The following WDR20 variants were observed in gnomAD, a reference collection of about 807,000 sequenced individuals.
WDR20 encodes the protein WD repeat domain 20.
Under a neutral mutation model 38.7 loss-of-function variants are expected in WDR20, and 3 were observed. That is an observed-to-expected ratio of 0.08 (90% CI 0.04 to 0.20). WDR20 has a LOEUF of 0.20. WDR20 is among the 10% of genes least tolerant of loss of function. The pLI is 1.00. For synonymous variants in WDR20, 298 were observed against 285.6 expected, an observed-to-expected ratio of 1.04 and a Z score of -0.44; for missense variants, 559 against 727.7, an observed-to-expected ratio of 0.77 and a Z score of 2.67.
intron 2 of WDR20, among the ~76,000 whole-genome samples, chr14:102,205,578 C>G (rs1215623620): frequency 6.6e-6 from 1 of 152,098 alleles, no homozygotes; most frequent in Admixed American, 6.5e-5. Context: ...CTACCAGTGG[C>G]CAGCACCCAC....
chr14:102,213,373 A>G (rs2062798531), downstream of WDR20: 3 of 985,480 alleles, frequency 3.0e-6, no homozygotes, highest in Non-Finnish European at 1.2e-6. Flanking sequence ...TGCTTAAATC[A>G]TGGTAAAGGA....
rs2059676678 is a variant in WDR20, at chr14:102,197,928, A to G, written c.432+2808A>G. The G allele has an allele frequency of 9.2e-5, 59 of 644,184 alleles. No homozygotes were observed. In the South Asian group the frequency reaches 9.6e-4, roughly 11 times the overall value. 39.9% of individuals were successfully genotyped at this position (644,184 alleles called of 1,614,324 possible). A position where few individuals can be genotyped will look rare whatever the true frequency, so the allele number is the denominator to read the frequency against. ...CTTGACTACCTACCACATGCCCAGC[A>G]CTGGGTCTGCAGCAGTGGGCAAAAC... On this transcript the variant is annotated intron_variant, in intron 2 of 2. Transcript: ENST00000342702.
At chr14:102,147,049 C>T (rs1206262891) in intron 1 of WDR20, among the ~76,000 whole-genome samples, 2 of 152,114 alleles carry the variant, frequency 1.3e-5, no homozygotes, top group African/African-American at 4.8e-5. Context: ...TCATTTAAAG[C>T]AGGAGATACT....
chr14:102,215,907 G>A (rs1004489653), downstream of WDR20, among the ~76,000 whole-genome samples: 7 of 152,134 alleles, frequency 4.6e-5, no homozygotes, highest in African/African-American at 1.7e-4. Context: ...CCTGGCACCC[G>A]CAGGCCTACC....
At chr14:102,139,841 G>A, upstream of WDR20, 1 of 1,556,946 alleles carries the variant, frequency 6.4e-7, no homozygotes, top group East Asian at 2.3e-5. Flanking sequence ...GCAGGGGGTG[G>A]GGGAAGAGGG....
At position 102,220,267 on chromosome 14, in the gene WDR20, C is replaced by T. The variant is rs139334062; in HGVS notation, c.1693-2563C>T. Among the ~76,000 whole-genome samples, 869 of 152,230 alleles carry T rather than the reference C, an allele frequency of 5.7e-3. 36 individuals carry two copies. Among genetic ancestry groups the T allele is most frequent in the East Asian group, 2.7e-3 (14 of 5,184 alleles). ...AAGGAAGGGTGCTGTCCCTCATGGC[C>T]GTCAGAAGCCACCTGCAGCCACTAA... On this transcript the variant is annotated intron_variant, in intron 3 of 3. Coordinates refer to the WDR20 transcript ENST00000335263. The surrounding 1 kb of genome is among the most constrained non-coding windows in gnomAD (Gnocchi z 4.2).
chr14:102,205,407 A>AACTAGT (rs1204902297), intron 2 of WDR20, among the ~76,000 whole-genome samples: 1 of 152,198 alleles, frequency 6.6e-6, no homozygotes, highest in African/African-American at 2.4e-5. Flanking sequence ...AGAAATGAGA[A>AACTAGT]ACTAGTACAG....
chr14:102,205,622 C>T (rs1326074122), intron 2 of WDR20, among the ~76,000 whole-genome samples: 1 of 152,150 alleles, frequency 6.6e-6, no homozygotes, highest in South Asian at 2.1e-4. Context: ...AGGGCCAGCA[C>T]GCTGCTGTTG....
At chr14:102,196,728 C>T (rs1363318106) in intron 2 of WDR20, among the ~76,000 whole-genome samples, 2 of 152,154 alleles carry the variant, frequency 1.3e-5, no homozygotes, top group Non-Finnish European at 2.9e-5. Context: ...GCTGCATTGG[C>T]CAGAACTATC....
intron 1 of WDR20, among the ~76,000 whole-genome samples, chr14:102,144,021 T>TAAC (rs1179762287): frequency 2.0e-5 from 1 of 49,938 alleles, no homozygotes; most frequent in Non-Finnish European, 5.5e-5. Flanking sequence ...CACAAAAAAA[T>TAAC]AATAAAAAAA....
At position 102,149,906 on chromosome 14, in the gene WDR20, C is replaced by A. The variant is rs545247999; in HGVS notation, c.249+9734C>A. Among the ~76,000 whole-genome samples the A allele has an allele frequency of 1.4e-4, 22 of 152,200 alleles. No individual in the cohort carries two copies. In the East Asian group the frequency reaches 4.1e-3, roughly 28 times the overall value. On this transcript the variant is annotated intron_variant, in intron 1 of 2. Transcript: ENST00000342702. ...ATGGGGTTTCACTGTATTGGCCAGG[C>A]TGGTCTCTTAACTCCTCACCTCGTG...
chr14:102,217,847 G>A (rs1014476348), downstream of WDR20, among the ~76,000 whole-genome samples: 4 of 152,192 alleles, frequency 2.6e-5, no homozygotes, highest in Non-Finnish European at 5.9e-5. Flanking sequence ...CATCGTTTCC[G>A]CACCGTCTCT....
intron 1 of WDR20, among the ~76,000 whole-genome samples, chr14:102,170,885 T>C (rs1428366327): frequency 3.3e-5 from 5 of 152,114 alleles, no homozygotes; most frequent in Non-Finnish European, 7.4e-5. Context: ...TGGTAGTTTT[T>C]TCCTACATAG....
chr14:102,210,634 C>A, downstream of WDR20: 1 of 686,290 alleles, frequency 1.5e-6, no homozygotes, highest in Non-Finnish European at 1.8e-6. Context: ...AACAGCATTG[C>A]AGAAGTGCCT....
chr14:102,142,291 G>C (rs1225327766), intron 1 of WDR20, among the ~76,000 whole-genome samples: 3 of 152,040 alleles, frequency 2.0e-5, no homozygotes, highest in African/African-American at 7.2e-5. Context: ...TTCCATGAAT[G>C]AGTTGGCATT....
At chr14:102,215,063 A>G (rs187810327), downstream of WDR20, 3 of 915,922 alleles carry the variant, frequency 3.3e-6, no homozygotes, top group Non-Finnish European at 3.9e-6. Context: ...CCAGTGAACC[A>G]AAACCAGAAA....
At chr14:102,174,103 G>GATT (rs894405576) in intron 1 of WDR20, among the ~76,000 whole-genome samples, 2 of 151,238 alleles carry the variant, frequency 1.3e-5, no homozygotes, top group Admixed American at 6.6e-5. Context: ...GGAATGCCAT[G>GATT]ATTATTATTA....
chr14:102,169,345 C>G (rs2060379989), intron 1 of WDR20, among the ~76,000 whole-genome samples: 1 of 152,210 alleles, frequency 6.6e-6, no homozygotes, highest in Non-Finnish European at 1.5e-5. Context: ...ACTCCCCTTT[C>G]CTGACTGATT....
downstream of WDR20, among the ~76,000 whole-genome samples, chr14:102,223,916 C>T (rs775406793): frequency 5.9e-5 from 9 of 152,158 alleles, no homozygotes; most frequent in Non-Finnish European, 1.3e-4. Context: ...TTCAGGATCA[C>T]GTTTCCATAC....
Sources: gnomAD v4.1 joint callset for allele counts (sites outside exome capture counted in the v4.1 genomes callset) on GRCh38, gnomAD v4.1.1 for gene constraint, Gnocchi (gnomAD v3.1) non-coding constraint, MANE v1.5 for transcripts, NCBI Gene and HGNC (gene_info 2026-07-23, HGNC 2026-07-21) for gene names.